The following WNK2 variants were observed in gnomAD, a reference collection of about 807,000 sequenced individuals.
WNK2 encodes serine/threonine-protein kinase WNK2.
WNK2 carries 67 observed loss-of-function variants against 192.1 expected under a neutral mutation model. The ratio of observed to expected loss-of-function variants is 0.35; its 90% CI spans 0.29 to 0.43. The LOEUF is 0.43. WNK2 is among the 20% of genes least tolerant of loss of function. The pLI is 1.00. For missense variants in WNK2, 2,698 were observed against 3,089.7 expected, an observed-to-expected ratio of 0.87 and a Z score of 3.01; for synonymous variants, 1,439 against 1,393.9, an observed-to-expected ratio of 1.03 and a Z score of -0.72.
At chr9:93,274,921 A>G (rs980605099) in intron 19 of WNK2, among the ~76,000 whole-genome samples, 2 of 152,346 alleles carry the variant, frequency 1.3e-5, no homozygotes, top group Admixed American at 1.3e-4. Flanking sequence ...TTCCCAAATC[A>G]TTTTACGAGG....
rs1843556479 is a variant in WNK2, at chr9:93,257,814, T to C, written c.2382+675T>C. On this transcript the variant is annotated intron_variant, in intron 11 of 29. Transcript: ENST00000427277. The surrounding 1 kb of genome is among the most constrained non-coding windows in gnomAD (Gnocchi z 4.7). ...TTCTGCTGTCTTTCTCTGGGTACAC[T>C]GTCTTTCACTCGAGGGACCTGACTG... Among the ~76,000 whole-genome samples, 1 of 152,216 alleles carries C rather than the reference T, an allele frequency of 6.6e-6. No homozygotes were observed. Among genetic ancestry groups the C allele is most frequent in the South Asian group, 2.1e-4 (1 of 4,834 alleles).
At position 93,229,477 on chromosome 9, in the gene WNK2, T is replaced by G. The variant is rs1239552234; in HGVS notation, c.682-219T>G. Among the ~76,000 whole-genome samples the G allele has an allele frequency of 6.6e-6, 1 of 152,198 alleles. No individual in the cohort carries two copies. The highest frequency in any genetic ancestry group is 1.9e-4 in the East Asian group (1 of 5,188). On this transcript the variant is annotated intron_variant, in intron 2 of 29. Transcript: ENST00000427277. This position sits in a 1 kb window ranked among gnomAD's most constrained non-coding sequence, Gnocchi z 4.9. ...TCTTCGGCTTCCTAGGATGTCTTTT[T>G]GCTGAGGTCCCTTTTTGGGGGCTGT...
chr9:93,289,839 C>G, intron 20 of WNK2, 139 bp from the exon 21 acceptor site: 1 of 922,186 alleles, frequency 1.1e-6, no homozygotes, highest in Non-Finnish European at 1.6e-6. Context: ...TCAGGTGACT[C>G]AGCCCCATCC....
At chr9:93,208,749 G>GTGTGTTCTGTGTGTTGTCTGCA (rs1563990060) in intron 2 of WNK2, among the ~76,000 whole-genome samples, 1 of 20,944 alleles carries the variant, frequency 4.8e-5, no homozygotes, top group Non-Finnish European at 9.7e-5. Flanking sequence ...GTGTTCATGT[G>GTGTGTTCTGTGTGTTGTCTGCA]TGTGCGCATG....
chr9:93,297,782 T>G lies in WNK2; in HGVS notation c.5709-71T>G, dbSNP rs1206187006. 3.4e-6 allele frequency: 5 copies of G among 1,470,924 alleles called. No individual in the cohort carries two copies. In the East Asian group the frequency reaches 9.9e-5, roughly 29 times the overall value. The allele number at this position is 1,470,924 out of a possible 1,614,324, so 91.1% of individuals were successfully genotyped here. On this transcript the variant is annotated intron_variant, in intron 23 of 29. Transcript: ENST00000427277. ...CCCATGTTCTCCCACGCCACCTCCCTCCTGGAGGAGCTGGCGGTGTTGGAA... is the reference window on the plus strand; with the variant it reads ...CCCATGTTCTCCCACGCCACCTCCCGCCTGGAGGAGCTGGCGGTGTTGGAA...
chr9:93,208,707 T>G (rs1420742187), intron 2 of WNK2, among the ~76,000 whole-genome samples: 1 of 654 alleles, frequency 1.5e-3, no homozygotes, highest in African/African-American at 4.6e-3. Flanking sequence ...TGTCTGCGTG[T>G]TCTGTGTATG....
intron 28 of WNK2, chr9:93,315,468 A>G (rs1854467849): frequency 6.6e-6 from 1 of 152,182 alleles, no homozygotes; most frequent in South Asian, 2.1e-4. Flanking sequence ...AAAACAAGTC[A>G]ACCATTTGTA....
chr9:93,299,546 C>G (rs1057269707), intron 25 of WNK2, among the ~76,000 whole-genome samples: 1 of 152,178 alleles, frequency 6.6e-6, no homozygotes, highest in Non-Finnish European at 1.5e-5. Context: ...GGCAGGGGAC[C>G]TGGCATCCGG....
chr9:93,263,459 T>G, intron 14 of WNK2, 107 bp from the exon 15 acceptor site: 1 of 1,418,614 alleles, frequency 7.0e-7, no homozygotes, highest in Non-Finnish European at 9.6e-7. Flanking sequence ...AGGTCACAGA[T>G]TTGGGCCCTG....
Position 93,318,856 on chromosome 9 carries a change from A to G in WNK2, c.6628+1225A>G, listed in dbSNP as rs1016587420. ...GGAGGGGAAGGCCCCAGCCTCCTCC[A>G]CCTCCCACTGGAAAGCAGACTGCTT... On this transcript the variant is annotated intron_variant, in intron 29 of 29. Transcript: ENST00000427277. The G allele has an allele frequency of 5.7e-6, 8 of 1,397,622 alleles. No individual in the cohort carries two copies. In the African/African-American group the frequency reaches 8.7e-5, roughly 15 times the overall value. 86.6% of individuals were successfully genotyped at this position (1,397,622 alleles called of 1,614,324 possible).
At chr9:93,208,913 C>A (rs534199584) in intron 2 of WNK2, among the ~76,000 whole-genome samples, 1 of 152,158 alleles carries the variant, frequency 6.6e-6, no homozygotes, top group Admixed American at 6.5e-5. Flanking sequence ...GTTCTTTGTG[C>A]ATTCACATTC....
At chr9:93,237,402 T>C (rs1445556060) in intron 5 of WNK2, among the ~76,000 whole-genome samples, 1 of 152,214 alleles carries the variant, frequency 6.6e-6, no homozygotes, top group African/African-American at 2.4e-5. Context: ...ATCTTCAGGT[T>C]CACTCGTCTT....
intron 2 of WNK2, among the ~76,000 whole-genome samples, chr9:93,199,621 G>A (rs577462103): frequency 3.9e-5 from 6 of 152,208 alleles, no homozygotes; most frequent in Admixed American, 6.5e-5. Context: ...GCTGTGGGCC[G>A]GGTGCGGTGG....
At chr9:93,241,544 C>CTT (rs1564067304) in intron 7 of WNK2, among the ~76,000 whole-genome samples, 8 of 151,994 alleles carry the variant, frequency 5.3e-5, no homozygotes, top group African/African-American at 1.7e-4. Flanking sequence ...TTCTCCAGGC[C>CTT]GGGCTGGGTC....
In WNK2 at chr9:93,241,545, G is replaced by C. The variant is rs143687967; in HGVS notation, c.1542+1569G>C. ...TTCCCAAGCTTCACTTCTCCAGGCC[G>C]GGCTGGGTCTCAGTAAAAAGAAGTG... is the stretch of plus-strand genomic sequence containing the variant. On this transcript the variant is annotated intron_variant, in intron 7 of 29. Coordinates refer to ENST00000427277, the MANE Select transcript of WNK2 (RefSeq NM_006648.4). 2.8e-3 allele frequency among the ~76,000 whole-genome samples: 419 copies of C among 152,138 alleles called. 2 individuals are homozygous for C. Among genetic ancestry groups the C allele is most frequent in the African/African-American group, 9.5e-3 (395 of 41,414 alleles).
intron 27 of WNK2, 48 bp from the exon 28 acceptor site, chr9:93,308,280 G>C (rs749311053): frequency 5.9e-6 from 9 of 1,526,566 alleles, no homozygotes; most frequent in Non-Finnish European, 7.9e-6. Context: ...CTGGGGGCCT[G>C]GGTGCGTGTG....
At position 93,259,383 on chromosome 9, in the gene WNK2, T is replaced by TCCACAACCCACACTGCCC; in HGVS notation, c.2845_2862dup (p.Thr949_Pro954dup). 6.2e-7 allele frequency: 1 copy of TCCACAACCCACACTGCCC among 1,601,448 alleles called. No homozygotes were observed. Among genetic ancestry groups the TCCACAACCCACACTGCCC allele is most frequent in the East Asian group, 2.3e-5 (1 of 44,338 alleles). ...CCACCCCTCCACAGCCGGCACTGCC[T>TCCACAACCCACACTGCCC]CCACAACCCACACTGCCCCCACAAC... is the stretch of plus-strand genomic sequence containing the variant. On this transcript the variant is annotated inframe_insertion, in exon 12 of 30. Transcript: ENST00000427277. The surrounding 1 kb of genome is among the most constrained non-coding windows in gnomAD (Gnocchi z 4.8).
intron 2 of WNK2, among the ~76,000 whole-genome samples, chr9:93,194,887 G>C (rs1421006119): frequency 1.3e-5 from 2 of 152,128 alleles, no homozygotes; most frequent in Non-Finnish European, 2.9e-5. Flanking sequence ...AAAGAAATGA[G>C]CTATGAAGAC....
chr9:93,263,778 A>C (rs530365995), intron 15 of WNK2, 44 bp downstream of exon 15: 2 of 236,224 alleles, frequency 8.5e-6, no homozygotes, highest in Admixed American at 5.2e-5. Flanking sequence ...GGGTGGGGGC[A>C]TGGTGGGGGT....
Sources: gnomAD v4.1 joint callset for allele counts (sites outside exome capture counted in the v4.1 genomes callset) on GRCh38, gnomAD v4.1.1 for gene constraint, Gnocchi (gnomAD v3.1) non-coding constraint, MANE v1.5 for transcripts, NCBI Gene and HGNC (gene_info 2026-07-23, HGNC 2026-07-21) for gene names.